The following PCDHA4 variants were observed in gnomAD, a reference collection of about 807,000 sequenced individuals.
PCDHA4 encodes the protein protocadherin alpha-4.
In PCDHA4, 49 loss-of-function variants were observed where a neutral mutation model predicts 61.4. The observed-to-expected ratio is 0.80, with a 90% CI of 0.63 to 1.01. The LOEUF (loss-of-function observed/expected upper bound fraction) is 1.01, where lower values mean the gene tolerates loss of function less well. Among genes scored for constraint, PCDHA4 ranks in the 50% least tolerant of loss-of-function variants. PCDHA4 has a pLI of 0.00. For missense variants in PCDHA4, 1,254 were observed against 1,235.8 expected, an observed-to-expected ratio of 1.01 and a Z score of -0.22; for synonymous variants, 590 against 550.3, an observed-to-expected ratio of 1.07 and a Z score of -1.01.
chr5:140,824,197 CT>C (rs2150133145), intron 1 of PCDHA4: 49 of 1,598,384 alleles, frequency 3.1e-5, no homozygotes, highest in Middle Eastern at 1.7e-4. Flanking sequence ...CATTCACCCA[CT>C]TTTTTTGTAT....
chr5:140,919,706 C>T (rs2079272649), intron 1 of PCDHA4, among the ~76,000 whole-genome samples: 1 of 152,048 alleles, frequency 6.6e-6, no homozygotes, highest in African/African-American at 2.4e-5. Flanking sequence ...TAACTTAATT[C>T]TAGTGAGATA....
At chr5:140,823,154 C>A in intron 1 of PCDHA4, 3 of 1,613,878 alleles carry the variant, frequency 1.9e-6, no homozygotes, top group Non-Finnish European at 2.5e-6. Flanking sequence ...CCCCAGTATA[C>A]CGTGTTCGTG....
rs201231291 is a variant in PCDHA4, at chr5:140,849,957, G to T, written c.2385+40385G>T. ...GCGGGACGCTGACGCGCAGGAGAAC[G>T]CCCTGGTGTCCTACTCGCTGGTGGA... On this transcript the variant is annotated intron_variant, in intron 1 of 3. Coordinates refer to ENST00000530339, the MANE Select transcript of PCDHA4 (RefSeq NM_018907.4). 28 of 1,597,916 alleles carry T rather than the reference G, an allele frequency of 1.8e-5. 1 individual carries two copies. The East Asian group carries it at 6.0e-4, about 34-fold the overall frequency.
intron 1 of PCDHA4, 178 bp downstream of exon 1, chr5:140,809,750 C>A: frequency 1.5e-6 from 1 of 651,012 alleles, no homozygotes; most frequent in East Asian, 2.9e-5. Context: ...TATTGCCTTC[C>A]TTCATTTTAT....
intron 1 of PCDHA4, chr5:140,863,284 G>A (rs1554158061): frequency 1.4e-6 from 2 of 1,461,880 alleles, no homozygotes; most frequent in Non-Finnish European, 1.9e-6. Flanking sequence ...GGATGTCAAC[G>A]TGTACCTGAT....
rs2150142239 is a variant in PCDHA4, at chr5:140,826,022, G to A, written c.2385+16450G>A. 2.0e-4 allele frequency among the ~76,000 whole-genome samples: 31 copies of A among 152,292 alleles called. No individual in the cohort carries two copies. The East Asian group carries it at 2.1e-3, about 10-fold the overall frequency. On this transcript the variant is annotated intron_variant, in intron 1 of 3. Coordinates refer to ENST00000530339, the MANE Select transcript of PCDHA4 (RefSeq NM_018907.4). ...TAGTCCACACTTTACATGATAAAAT[G>A]TGAATTCCCTATTTCTGTTGCTTTG...
intron 1 of PCDHA4, among the ~76,000 whole-genome samples, chr5:140,846,443 C>T (rs1355812875): frequency 2.2e-5 from 3 of 134,856 alleles, no homozygotes; most frequent in Non-Finnish European, 4.7e-5. Context: ...GGCGCAATCT[C>T]GGCTCACTGC....
chr5:140,842,302 T>A (rs1554138952), intron 1 of PCDHA4: 3 of 1,609,802 alleles, frequency 1.9e-6, no homozygotes, highest in Non-Finnish European at 2.6e-6. Flanking sequence ...ACAAAGGCCA[T>A]CCTCCCATGG....
At chr5:140,968,211 A>G (rs1039283745) in intron 1 of PCDHA4, 1 of 1,614,002 alleles carries the variant, frequency 6.2e-7, no homozygotes. Context: ...CAGGAGAACA[A>G]TTTGCCAGGT....
At position 140,842,876 on chromosome 5, in the gene PCDHA4, G is replaced by T. The variant is rs2150347081; in HGVS notation, c.2385+33304G>T. ...GCACACGGAGAGCGGCAAGGTGTAC[G>T]CGCTGCAGCCGCTGGACCACGAGGA... On this transcript the variant is annotated intron_variant, in intron 1 of 3. Transcript: ENST00000530339. 5.9e-3 allele frequency: 9,472 copies of T among 1,593,878 alleles called. 1,015 individuals are homozygous for T. The African/African-American group carries it at 0.11, about 18-fold the overall frequency.
intron 3 of PCDHA4, among the ~76,000 whole-genome samples, chr5:140,989,274 G>A (rs3756325): frequency 0.3 from 45,270 of 152,016 alleles, 6,976 homozygotes; most frequent in East Asian, 0.43. Flanking sequence ...GTTTCTGCTG[G>A]GGACATCTCA....
At chr5:140,945,200 A>G (rs2093757745) in intron 1 of PCDHA4, among the ~76,000 whole-genome samples, 1 of 152,168 alleles carries the variant, frequency 6.6e-6, no homozygotes, top group South Asian at 2.1e-4. Context: ...GCTATTTACA[A>G]TAGCTATGAG....
At chr5:140,849,541 A>C in intron 1 of PCDHA4, 1 of 1,598,262 alleles carries the variant, frequency 6.3e-7, no homozygotes, top group Non-Finnish European at 8.6e-7. Flanking sequence ...AATGCTCCAC[A>C]GTTGACTATC....
chr5:140,937,795 C>T (rs1472022589), intron 1 of PCDHA4, among the ~76,000 whole-genome samples: 1 of 151,670 alleles, frequency 6.6e-6, no homozygotes, highest in Non-Finnish European at 1.5e-5. Context: ...GTATGTAGTC[C>T]CAGCTACTCG....
intron 1 of PCDHA4, chr5:140,870,392 G>A (rs1330154432): frequency 1.9e-6 from 3 of 1,614,136 alleles, no homozygotes; most frequent in South Asian, 2.2e-5. Context: ...CGGGATGGGG[G>A]TTCGCCTTCT....
intron 1 of PCDHA4, among the ~76,000 whole-genome samples, chr5:140,953,945 C>T (rs189219030): frequency 8.5e-5 from 13 of 152,154 alleles, no homozygotes; most frequent in African/African-American, 3.1e-4. Flanking sequence ...TCCCATTGCT[C>T]CCCCAACAGG....
intron 1 of PCDHA4, among the ~76,000 whole-genome samples, chr5:140,947,316 G>A (rs1325852826): frequency 2.6e-5 from 4 of 151,352 alleles, no homozygotes; most frequent in East Asian, 1.9e-4. Context: ...GTAAAAAGTC[G>A]GTTGACCATA....
chr5:140,928,642 G>A (rs2085397273), intron 1 of PCDHA4: 2 of 1,614,114 alleles, frequency 1.2e-6, no homozygotes, highest in Non-Finnish European at 8.5e-7. Flanking sequence ...CACAAAAGTG[G>A]TAGCAGAGGA....
At chr5:140,894,904 A>G (rs1422978967) in intron 1 of PCDHA4, among the ~76,000 whole-genome samples, 1 of 152,168 alleles carries the variant, frequency 6.6e-6, no homozygotes, top group Non-Finnish European at 1.5e-5. Context: ...TAATTTTCCT[A>G]TCTTTGTTGC....
Sources: gnomAD v4.1 joint callset for allele counts (sites outside exome capture counted in the v4.1 genomes callset) on GRCh38, gnomAD v4.1.1 for gene constraint, MANE v1.5 for transcripts, NCBI Gene and HGNC (gene_info 2026-07-23, HGNC 2026-07-21) for gene names.